Variants in CYP19A1 observed in about 807,000 individuals in gnomAD.
CYP19A1 encodes the protein aromatase.
Under a neutral mutation model 44.4 loss-of-function variants are expected in CYP19A1, and 32 were observed. That is an observed-to-expected ratio of 0.72 (90% confidence interval 0.54 to 0.97). CYP19A1 has a LOEUF of 0.97. Among genes scored for constraint, CYP19A1 ranks in the 50% least tolerant of loss-of-function variants. CYP19A1 has a pLI of 0.00. For synonymous variants in CYP19A1, 212 were observed against 215.6 expected (o/e 0.98, Z 0.14); for missense variants, 598 against 637.8 (o/e 0.94, Z 0.67).
intron 2 of CYP19A1, among the ~76,000 whole-genome samples, chr15:51,240,565 A>G (rs879417184): frequency 6.6e-6 from 1 of 152,196 alleles, no homozygotes; most frequent in Non-Finnish European, 1.5e-5. Flanking sequence ...GCAGGAGCTC[A>G]GGAGTATTGA....
intron 3 of CYP19A1, among the ~76,000 whole-genome samples, chr15:51,228,210 C>T (rs1312988950): frequency 6.6e-6 from 1 of 152,166 alleles, no homozygotes; most frequent in Non-Finnish European, 1.5e-5. Context: ...TCTTTCTTCT[C>T]TAACCTCACC....
Position 51,236,905 on chromosome 15 carries a change from A to G in CYP19A1, c.250T>C (p.Phe84Leu), listed in dbSNP as rs1446833092. ...TCTCCAGAGATCCAGACTCGCATGAATTCTCCATATACCCGGTTGTAGTAG... is the reference window on the plus strand; with the variant it reads ...TCTCCAGAGATCCAGACTCGCATGAGTTCTCCATATACCCGGTTGTAGTAG... The part of the protein sequence containing the change: ...CNYYNRVYGE[F>L]MRVWISGEET... The change falls in exon 3 of 10, where the codon TTC becomes CTC. Residue 84 changes from phenylalanine (F) to leucine (L), a missense_variant. By Grantham distance (22) the Phe-to-Leu change is conservative. Coordinates refer to ENST00000396402, the MANE Select transcript of CYP19A1 (RefSeq NM_000103.4). 3 of 1,614,094 alleles carry G rather than the reference A, an allele frequency of 1.9e-6. No homozygotes were observed. The highest frequency in any genetic ancestry group is 2.5e-6 in the Non-Finnish European group (3 of 1,180,044).
intron 1 of CYP19A1, among the ~76,000 whole-genome samples, chr15:51,327,554 T>G (rs890755590): frequency 1.9e-4 from 29 of 151,888 alleles, no homozygotes; most frequent in African/African-American, 6.8e-4. Context: ...TGATCTCAGC[T>G]CACTGCAACC....
intron 3 of CYP19A1, among the ~76,000 whole-genome samples, chr15:51,228,422 A>C (rs2032768449): frequency 6.6e-6 from 1 of 152,206 alleles, no homozygotes; most frequent in Non-Finnish European, 1.5e-5. Context: ...TGGAACCAGC[A>C]GTTTTGCCTA....
chr15:51,326,824 T>C (rs2141027083), intron 1 of CYP19A1, among the ~76,000 whole-genome samples: 1 of 152,352 alleles, frequency 6.6e-6, no homozygotes, highest in Non-Finnish European at 1.5e-5. Context: ...CAAGTGTTTT[T>C]AACTTCGTGG....
In CYP19A1 at chr15:51,212,413, CT is replaced by C. The variant is rs2141034046; in HGVS notation, c.1169del (p.Lys390ArgfsTer7). On this transcript the variant is annotated frameshift_variant, in exon 9 of 10. Transcript: ENST00000396402. LOFTEE classifies it high-confidence loss of function. ...CAATATTCAGGATAATGTTTGTCCC[CT>C]TTTTCACTGGGTAGCCATCGATTAC... ...DDVIDGYPVK[K>X]GTNIILNIGR... is the part of the protein sequence containing the mutation. The C allele has an allele frequency of 1.9e-6, 3 of 1,604,782 alleles. No homozygotes were observed. Among genetic ancestry groups the C allele is most frequent in the Non-Finnish European group, 2.6e-6 (3 of 1,171,482 alleles).
intron 1 of CYP19A1, chr15:51,318,564 T>A (rs1485315063): frequency 6.6e-6 from 1 of 152,234 alleles, no homozygotes; most frequent in East Asian, 1.9e-4. Context: ...GGGTCAGGGA[T>A]CTCCTGGAGA....
chr15:51,273,344 ACATGTTTATATT>A (rs2035196442), intron 1 of CYP19A1, among the ~76,000 whole-genome samples: 1 of 152,206 alleles, frequency 6.6e-6, no homozygotes, highest in Non-Finnish European at 1.5e-5. Flanking sequence ...ACTGAACCTT[ACATGTTTATATT>A]CAGCAGGCAA....
At chr15:51,276,315 C>A (rs2035308269) in intron 1 of CYP19A1, among the ~76,000 whole-genome samples, 1 of 152,138 alleles carries the variant, frequency 6.6e-6, no homozygotes, top group South Asian at 2.1e-4. Context: ...GGCCCACTGA[C>A]CCCCTTGTTT....
chr15:51,212,404 G>A lies in CYP19A1; in HGVS notation c.1179C>T (p.Asn393=), dbSNP rs764289309. The A allele has an allele frequency of 6.3e-7, 1 of 1,597,474 alleles. No homozygotes were observed. The highest frequency in any genetic ancestry group is 8.6e-7 in the Non-Finnish European group (1 of 1,164,764). The part of the protein sequence containing the change: ...IDGYPVKKGT[N]IILNIGRMHR... ...GCATCCTTCCAATATTCAGGATAATGTTTGTCCCCTTTTTCACTGGGTAGC... is the reference window on the plus strand; with the variant it reads ...GCATCCTTCCAATATTCAGGATAATATTTGTCCCCTTTTTCACTGGGTAGC... Residue 393 remains asparagine (N), a synonymous_variant, in exon 9 of 10, where the codon AAC becomes AAT. Coordinates refer to ENST00000396402, the MANE Select transcript of CYP19A1 (RefSeq NM_000103.4).
intron 1 of CYP19A1, among the ~76,000 whole-genome samples, chr15:51,328,407 A>C (rs1384470546): frequency 1.3e-5 from 2 of 152,106 alleles, no homozygotes; most frequent in Non-Finnish European, 2.9e-5. Context: ...ATCCCCCCCT[A>C]CCCATCCACT....
At chr15:51,319,013 A>G (rs1317482540) in intron 1 of CYP19A1, 1 of 152,204 alleles carries the variant, frequency 6.6e-6, no homozygotes, top group Non-Finnish European at 1.5e-5. Flanking sequence ...AAGACGACAG[A>G]TGAACCTCAG....
chr15:51,213,830 A>G (rs1232670897), intron 8 of CYP19A1, among the ~76,000 whole-genome samples: 3 of 152,172 alleles, frequency 2.0e-5, no homozygotes, highest in African/African-American at 7.2e-5. Flanking sequence ...CCACCAGACC[A>G]TGAGCCCCGT....
Position 51,212,543 on chromosome 15 carries a change from A to G in CYP19A1, c.1040T>C (p.Ile347Thr), listed in dbSNP as rs373580980. ...QTVIGERDIKIDDIQKLKVME... is the reference protein window; with the variant it reads ...QTVIGERDIKTDDIQKLKVME... ...CACTTTTAATTTTTGTATATCATCA[A>G]TCTTTATGTCTCTCTCACCTGTGGA... is the stretch of plus-strand genomic sequence containing the variant. Residue 347 changes from isoleucine (I) to threonine (T), a missense_variant, in exon 9 of 10, where the codon ATT becomes ACT. Coordinates refer to ENST00000396402, the MANE Select transcript of CYP19A1 (RefSeq NM_000103.4). 31 of 1,488,432 alleles carry G rather than the reference A, an allele frequency of 2.1e-5. No individual in the cohort carries two copies. Among genetic ancestry groups the G allele is most frequent in the African/African-American group, 5.5e-5 (4 of 72,442 alleles). The allele number at this position is 1,488,432 out of a possible 1,614,324, so 92.2% of individuals were successfully genotyped here.
intron 1 of CYP19A1, among the ~76,000 whole-genome samples, chr15:51,290,995 T>G (rs752847116): frequency 3.0e-4 from 45 of 152,302 alleles, no homozygotes; most frequent in Non-Finnish European, 5.1e-4. Flanking sequence ...ACCTCCAGAT[T>G]GGAGGCTTTG....
chr15:51,259,324 G>T (rs28757150), intron 1 of CYP19A1, among the ~76,000 whole-genome samples: 1 of 152,232 alleles, frequency 6.6e-6, no homozygotes, highest in Non-Finnish European at 1.5e-5. Flanking sequence ...ATAAATAATT[G>T]TAACAACCAC....
chr15:51,275,311 C>T (rs1232060850), intron 1 of CYP19A1, among the ~76,000 whole-genome samples: 1 of 152,236 alleles, frequency 6.6e-6, no homozygotes, highest in African/African-American at 2.4e-5. Context: ...ACCTGAGTCA[C>T]TCCACCCAAC....
At position 51,211,034 on chromosome 15, in the gene CYP19A1, G is replaced by T; in HGVS notation, c.1286C>A (p.Pro429Gln). Residue 429 changes from proline to glutamine, a missense_variant, in exon 10 of 10, where the codon CCA becomes CAA. Physicochemically the swap from Pro to Gln is moderately conservative, Grantham distance 76. Transcript: ENST00000396402. ...ACAGCCACGGGGCCCAAAGCCAAAT[G>T]GCTGAAAGTACCTATAAGGAACCTA... ...AKNVPYRYFQ[P>Q]FGFGPRGCAG... is the part of the protein sequence containing the mutation. The T allele has an allele frequency of 6.3e-7, 1 of 1,589,860 alleles. No individual in the cohort carries two copies. The highest frequency in any genetic ancestry group is 8.6e-7 in the Non-Finnish European group (1 of 1,157,956).
At chr15:51,213,424 A>G (rs2031234527) in intron 8 of CYP19A1, among the ~76,000 whole-genome samples, 1 of 152,168 alleles carries the variant, frequency 6.6e-6, no homozygotes, top group Admixed American at 6.5e-5. Context: ...CTCATATACA[A>G]CGAAGCCACT....
Sources: allele counts gnomAD v4.1 joint callset (sites outside exome capture counted in the v4.1 genomes callset), GRCh38; gene constraint gnomAD v4.1.1; transcripts MANE v1.5; gene names NCBI Gene and HGNC (gene_info 2026-07-23, HGNC 2026-07-21).